MMGT1: variants seen among roughly 807,000 people sequenced by gnomAD.
MMGT1 encodes ER membrane protein complex subunit 5.
Under a neutral mutation model 11.7 loss-of-function variants are expected in MMGT1, and 2 were observed. That is an observed-to-expected ratio of 0.17 (90% CI 0.07 to 0.54). MMGT1 has a LOEUF of 0.54. Ranked by LOEUF, MMGT1 falls within the 20% of genes least tolerant of loss-of-function variation. MMGT1 has a pLI of 0.94. For missense variants in MMGT1, 74 were observed against 109.0 expected, an observed-to-expected ratio of 0.68 and a Z score of 1.43; for synonymous variants, 49 against 44.4, an observed-to-expected ratio of 1.10 and a Z score of -0.41.
intron 3 of MMGT1, 138 bp from the exon 4 acceptor site, chrX:135,965,321 A>G: frequency 2.3e-6 from 1 of 436,112 alleles, no homozygotes; most frequent in Non-Finnish European, 3.9e-6. Flanking sequence ...ATCAGACTGT[A>G]AATAATAATT....
chrX:135,973,787 A>G lies in MMGT1; in HGVS notation c.-112T>C. Reference sequence around the variant, plus strand: ...GAAAGATGACGTCACTGAAGTCCTGAGCGCAAAGTGTCTCAGTGGTGGAAA... The same window carrying G: ...GAAAGATGACGTCACTGAAGTCCTGGGCGCAAAGTGTCTCAGTGGTGGAAA... On this transcript the variant is annotated 5_prime_UTR_variant, in exon 1 of 4. Coordinates refer to ENST00000305963, the MANE Select transcript of MMGT1 (RefSeq NM_173470.3). 1 of 1,163,949 alleles carries G rather than the reference A, an allele frequency of 8.6e-7. No homozygotes were observed. The highest frequency in any genetic ancestry group is 1.1e-6 in the Non-Finnish European group (1 of 871,884).
intron 1 of MMGT1, among the ~76,000 whole-genome samples, 158 bp from the exon 2 acceptor site, chrX:135,971,268 C>T (rs992404049): frequency 9.1e-6 from 1 of 110,256 alleles, no homozygotes; most frequent in African/African-American, 3.3e-5. Flanking sequence ...TGCACATGTA[C>T]CCTAAAACTT....
chrX:135,968,497 C>CAT (rs781900212), intron 2 of MMGT1, among the ~76,000 whole-genome samples: 1 of 31,641 alleles, frequency 3.2e-5, no homozygotes, highest in South Asian at 1.6e-3. Flanking sequence ...AACATTATGT[C>CAT]ATTGTGTGTG....
At chrX:135,969,200 T>C (rs1392617139) in intron 2 of MMGT1, among the ~76,000 whole-genome samples, 1 of 107,641 alleles carries the variant, frequency 9.3e-6, no homozygotes, top group Non-Finnish European at 1.9e-5. Flanking sequence ...GTGATAGGAG[T>C]TAACAGCCTC....
rs1227458587 is a variant in MMGT1, at chrX:135,961,413, T to C, written c.*3611A>G. Among the ~76,000 whole-genome samples, 1 of 111,490 alleles carries C rather than the reference T, an allele frequency of 9.0e-6. No individual in the cohort carries two copies. Among genetic ancestry groups the C allele is most frequent in the Non-Finnish European group, 1.9e-5 (1 of 53,045 alleles). Reference sequence around the variant, plus strand: ...AAATAAAAAATTGTTTTCCTGTGAGTACAAGACACTTGAAACTGGTTACTT... The same window carrying C: ...AAATAAAAAATTGTTTTCCTGTGAGCACAAGACACTTGAAACTGGTTACTT... On this transcript the variant is annotated 3_prime_UTR_variant, in exon 4 of 4. Transcript: ENST00000305963.
chrX:135,973,263 G>A (rs1368816285), intron 1 of MMGT1, among the ~76,000 whole-genome samples: 14 of 111,579 alleles, frequency 1.3e-4, no homozygotes, highest in African/African-American at 4.2e-4. Flanking sequence ...GTGGGACCAT[G>A]AGCAACCAGA....
chrX:135,969,139 T>C (rs1177562325), intron 2 of MMGT1, among the ~76,000 whole-genome samples: 1 of 34,736 alleles, frequency 2.9e-5, no homozygotes, highest in African/African-American at 8.5e-5. Flanking sequence ...GACATAAATA[T>C]GTGTATGTGT....
intron 1 of MMGT1, among the ~76,000 whole-genome samples, chrX:135,971,923 G>A (rs1556612634): frequency 8.9e-6 from 1 of 112,324 alleles, no homozygotes; most frequent in Non-Finnish European, 1.9e-5. Flanking sequence ...CAAGTTCAGA[G>A]TGTTAAAATG....
chrX:135,973,781 GT>G lies in MMGT1; in HGVS notation c.-107del. The G allele has an allele frequency of 8.6e-7, 1 of 1,165,623 alleles. No homozygotes were observed. The highest frequency in any genetic ancestry group is 1.9e-5 in the South Asian group (1 of 52,509). ...GCCGCAGAAAGATGACGTCACTGAA[GT>G]CCTGAGCGCAAAGTGTCTCAGTGGT... On this transcript the variant is annotated 5_prime_UTR_variant, in exon 1 of 4. An upstream open reading frame in the 5' UTR gains an earlier in-frame stop. Coordinates refer to ENST00000305963, the MANE Select transcript of MMGT1 (RefSeq NM_173470.3).
At chrX:135,971,747 T>G (rs1264544153) in intron 1 of MMGT1, among the ~76,000 whole-genome samples, 1 of 111,869 alleles carries the variant, frequency 8.9e-6, no homozygotes, top group Non-Finnish European at 1.9e-5. Context: ...CTGCCTCTAC[T>G]AGTTAATTAT....
intron 1 of MMGT1, 24 bp downstream of exon 1, chrX:135,973,573 G>T (rs1556612807): frequency 8.7e-7 from 1 of 1,145,572 alleles, no homozygotes; most frequent in South Asian, 1.9e-5. Flanking sequence ...ACACCGAAGC[G>T]GTCCCCGTGC....
Position 135,964,527 on chromosome X carries a change from C to A in MMGT1, c.*497G>T, listed in dbSNP as rs1362716911. On this transcript the variant is annotated 3_prime_UTR_variant, in exon 4 of 4. Transcript: ENST00000305963. The stretch of plus-strand genomic sequence containing the variant: ...ACTGGCAAGTACTTCTGAAGCAGAG[C>A]CACTTTTTAGGGGACACAAGAAAAA... The A allele has an allele frequency of 8.9e-6, 1 of 112,270 alleles. No homozygotes were observed. The highest frequency in any genetic ancestry group is 1.9e-5 in the Non-Finnish European group (1 of 53,255). 9.3% of individuals were successfully genotyped at this position (112,270 alleles called of 1,213,427 possible).
At chrX:135,965,527 A>C (rs1556611873) in intron 3 of MMGT1, among the ~76,000 whole-genome samples, 14 of 111,210 alleles carry the variant, frequency 1.3e-4, no homozygotes. Context: ...TCAGCCCCCC[A>C]AGTGCTGGCA....
rs959045846 is a variant in MMGT1 at position 135,963,878 on chromosome X, C to T, written c.*1146G>A. 1.8e-5 allele frequency: 2 copies of T among 112,675 alleles called. No individual in the cohort carries two copies. Among genetic ancestry groups the T allele is most frequent in the African/African-American group, 6.5e-5 (2 of 30,939 alleles). The allele number at this position is 112,675 out of a possible 1,213,427, so 9.3% of individuals were successfully genotyped here. On this transcript the variant is annotated 3_prime_UTR_variant, in exon 4 of 4. Coordinates refer to ENST00000305963, the MANE Select transcript of MMGT1 (RefSeq NM_173470.3). Reference sequence around the variant, plus strand: ...TTGAGCTTCCTACAGCTCTCTAGCTCAAAGAGCTAGCCAATTTCCTTAAAA... The same window carrying T: ...TTGAGCTTCCTACAGCTCTCTAGCTTAAAGAGCTAGCCAATTTCCTTAAAA...
At chrX:135,968,694 C>T (rs1474687939) in intron 2 of MMGT1, among the ~76,000 whole-genome samples, 1 of 110,103 alleles carries the variant, frequency 9.1e-6, no homozygotes, top group Non-Finnish European at 1.9e-5. Flanking sequence ...CTGCACCCAA[C>T]CGATTTTTGT....
In MMGT1 at chrX:135,961,406, C is replaced by A. The variant is rs1310103987; in HGVS notation, c.*3618G>T. 4.5e-5 allele frequency among the ~76,000 whole-genome samples: 5 copies of A among 111,198 alleles called. No homozygotes were observed. The highest frequency in any genetic ancestry group is 9.4e-5 in the Non-Finnish European group (5 of 52,974). ...TGATAAAAAATAAAAAATTGTTTTC[C>A]TGTGAGTACAAGACACTTGAAACTG... On this transcript the variant is annotated 3_prime_UTR_variant, in exon 4 of 4. Transcript: ENST00000305963.
At chrX:135,967,092 A>T (rs1162707813) in intron 3 of MMGT1, among the ~76,000 whole-genome samples, 1 of 110,927 alleles carries the variant, frequency 9.0e-6, no homozygotes, top group Non-Finnish European at 1.9e-5. Flanking sequence ...GGAAGGAGAA[A>T]GGTTAAAAAT....
rs2089169614 is a variant in MMGT1, at chrX:135,963,710, G to T, written c.*1314C>A. 1 of 112,292 alleles carries T rather than the reference G, an allele frequency of 8.9e-6. No homozygotes were observed. The highest frequency in any genetic ancestry group is 3.2e-5 in the African/African-American group (1 of 30,800). The allele number at this position is 112,292 out of a possible 1,213,427, so 9.3% of individuals were successfully genotyped here. On this transcript the variant is annotated 3_prime_UTR_variant, in exon 4 of 4. Coordinates refer to ENST00000305963, the MANE Select transcript of MMGT1 (RefSeq NM_173470.3). ...AAATAAAATGCCTACAAGTACAATGGCATCTTATGACTCATGCCTAAAGCA... is the reference window on the plus strand; with the variant it reads ...AAATAAAATGCCTACAAGTACAATGTCATCTTATGACTCATGCCTAAAGCA...
chrX:135,970,521 G>C, intron 2 of MMGT1, among the ~76,000 whole-genome samples: 1 of 112,062 alleles, frequency 8.9e-6, no homozygotes. Context: ...CCATACTATG[G>C]ACAGAGCATC....
Sources: gnomAD v4.1 joint callset for allele counts (sites outside exome capture counted in the v4.1 genomes callset) on GRCh38, gnomAD v4.1.1 for gene constraint, MANE v1.5 for transcripts, NCBI Gene and HGNC (gene_info 2026-07-23, HGNC 2026-07-21) for gene names.